XPO7: variants seen among roughly 807,000 people sequenced by gnomAD.
XPO7 encodes exportin-7.
In XPO7, 21 loss-of-function variants were observed where a neutral mutation model predicts 144.3. The ratio of observed to expected loss-of-function variants is 0.15; its 90% CI spans 0.10 to 0.21. XPO7 has a LOEUF of 0.21. Ranked by LOEUF, XPO7 falls within the 10% of genes least tolerant of loss-of-function variation. The pLI, the probability that XPO7 is intolerant of heterozygous loss-of-function variation, is 1.00. For synonymous variants in XPO7, 580 were observed against 499.6 expected, an observed-to-expected ratio of 1.16 and a Z score of -2.15; for missense variants, 808 against 1,325.8, an observed-to-expected ratio of 0.61 and a Z score of 6.06.
At position 21,984,730 on chromosome 8, in the gene XPO7, T is replaced by C. The variant is rs776546907; in HGVS notation, c.1362T>C (p.Tyr454=). 1 of 1,613,984 alleles carries C rather than the reference T, an allele frequency of 6.2e-7. No homozygotes were observed. Among genetic ancestry groups the C allele is most frequent in the South Asian group, 1.1e-5 (1 of 91,086 alleles). Residue 454 remains tyrosine (Y), a synonymous_variant, in exon 12 of 28, where the codon TAT becomes TAC. Transcript: ENST00000252512. ...TGTCCACCATTGGGCGTTGTGAATA[T>C]GAGAAGACGTGTGCACTCCTCGTGC... ...DQLSTIGRCE[Y]EKTCALLVQL...
intron 5 of XPO7, among the ~76,000 whole-genome samples, chr8:21,972,689 A>G (rs1261513871): frequency 1.3e-5 from 2 of 152,198 alleles, no homozygotes; most frequent in East Asian, 3.9e-4. Context: ...TCCAGCTAAA[A>G]ATTTGTGATT....
chr8:21,933,677 C>T (rs1232071460), intron 1 of XPO7, among the ~76,000 whole-genome samples: 1 of 152,124 alleles, frequency 6.6e-6, no homozygotes, highest in Non-Finnish European at 1.5e-5. Flanking sequence ...GTTAACATTT[C>T]TCTACCAGGT....
chr8:21,944,348 A>C (rs1811088967), intron 1 of XPO7, among the ~76,000 whole-genome samples: 1 of 152,164 alleles, frequency 6.6e-6, no homozygotes, highest in Non-Finnish European at 1.5e-5. Flanking sequence ...CGGGCAGATC[A>C]CCTGAGGTCA....
chr8:21,974,830 A>G lies in XPO7; in HGVS notation c.597+56A>G, dbSNP rs1033441260. On this transcript the variant is annotated intron_variant, in intron 6 of 27. Transcript: ENST00000252512. ...GTTTCTTTTGAAAGAATGAGAATGG[A>G]TGGGAACTTGTTAAATGTCAGCTTT... 10 of 1,368,482 alleles carry G rather than the reference A, an allele frequency of 7.3e-6. No individual in the cohort carries two copies. The African/African-American group carries it at 1.2e-4, about 16-fold the overall frequency. The allele number at this position is 1,368,482 out of a possible 1,614,324, so 84.8% of individuals were successfully genotyped here.
intron 19 of XPO7, among the ~76,000 whole-genome samples, chr8:21,993,997 G>A (rs2117388913): frequency 7.2e-6 from 1 of 138,874 alleles, no homozygotes; most frequent in Non-Finnish European, 1.5e-5. Context: ...TTCCTCCCTG[G>A]GTGGACTCAA....
At chr8:21,968,472 C>T (rs1009629156) in intron 2 of XPO7, among the ~76,000 whole-genome samples, 2 of 152,174 alleles carry the variant, frequency 1.3e-5, no homozygotes, top group African/African-American at 4.8e-5. Context: ...CTGTTTTACG[C>T]ACATAGTGTT....
Position 21,950,023 on chromosome 8 carries a change from C to T in XPO7, c.19-16834C>T, listed in dbSNP as rs566685397. 5.3e-5 allele frequency among the ~76,000 whole-genome samples: 8 copies of T among 152,340 alleles called. No homozygotes were observed. In the South Asian group the frequency reaches 1.7e-3, roughly 32 times the overall value. On this transcript the variant is annotated intron_variant, in intron 1 of 27. Coordinates refer to ENST00000252512, the MANE Select transcript of XPO7 (RefSeq NM_015024.5). Reference sequence around the variant, plus strand: ...TACAGGTGTGACACACCGTACTGGGCCCTAGGCTGTGTTTTTAAAAAGCAC... The same window carrying T: ...TACAGGTGTGACACACCGTACTGGGTCCTAGGCTGTGTTTTTAAAAAGCAC...
intron 1 of XPO7, among the ~76,000 whole-genome samples, chr8:21,930,517 C>A (rs142840163): frequency 2.6e-5 from 4 of 152,226 alleles, no homozygotes; most frequent in African/African-American, 4.8e-5. Context: ...TAAGCCAGAT[C>A]TGAAAAGGCC....
At chr8:21,924,665 T>G (rs868253884) in intron 1 of XPO7, among the ~76,000 whole-genome samples, 1 of 152,112 alleles carries the variant, frequency 6.6e-6, no homozygotes, top group South Asian at 2.1e-4. Context: ...ACACAAAATT[T>G]TACCCACAAT....
chr8:21,964,254 A>G (rs990256427), intron 1 of XPO7: 18 of 152,222 alleles, frequency 1.2e-4, no homozygotes, highest in African/African-American at 4.1e-4. Flanking sequence ...CAAAGAATAG[A>G]TATCCTTAAT....
At position 21,999,074 on chromosome 8, in the gene XPO7, A is replaced by G. The variant is rs765075093; in HGVS notation, c.2429-17A>G. ...TTCTAATGTGGTTGAATAAACATATATGACATGTCTACTCAGGCAATCGCA... is the reference window on the plus strand; with the variant it reads ...TTCTAATGTGGTTGAATAAACATATGTGACATGTCTACTCAGGCAATCGCA... On this transcript the variant is annotated splice_polypyrimidine_tract_variant and intron_variant, in intron 22 of 27. Coordinates refer to ENST00000252512, the MANE Select transcript of XPO7 (RefSeq NM_015024.5). 6.2e-7 allele frequency: 1 copy of G among 1,613,114 alleles called. No individual in the cohort carries two copies. The highest frequency in any genetic ancestry group is 2.2e-5 in the East Asian group (1 of 44,884).
chr8:21,993,082 C>G (rs1812822453), intron 19 of XPO7, among the ~76,000 whole-genome samples: 1 of 152,234 alleles, frequency 6.6e-6, no homozygotes, highest in Non-Finnish European at 1.5e-5. Context: ...CCTAATTATA[C>G]TTGTATTTTA....
chr8:21,952,733 G>T (rs1056300969), intron 1 of XPO7, among the ~76,000 whole-genome samples: 2 of 152,176 alleles, frequency 1.3e-5, no homozygotes, highest in African/African-American at 4.8e-5. Context: ...GTGTTATAAC[G>T]CCTGTGTTTT....
At chr8:21,983,097 TTTTC>T in intron 11 of XPO7, among the ~76,000 whole-genome samples, 2 of 152,352 alleles carry the variant, frequency 1.3e-5, no homozygotes, top group South Asian at 4.1e-4. Context: ...TTGCCGCTGT[TTTTC>T]TTTCAATGTG....
intron 17 of XPO7, 149 bp from the exon 18 acceptor site, chr8:21,990,662 T>C: frequency 1.2e-6 from 1 of 808,400 alleles, no homozygotes; most frequent in Non-Finnish European, 1.9e-6. Flanking sequence ...AACGGTAGCC[T>C]GCCTTCAAAA....
intron 1 of XPO7, 37 bp downstream of exon 1, chr8:21,919,825 A>C (rs1024193197): frequency 1.7e-5 from 7 of 400,038 alleles, no homozygotes; most frequent in Non-Finnish European, 2.1e-5. Flanking sequence ...GCGACCACGA[A>C]GAGCGGCGAG....
chr8:21,921,015 G>A (rs952594166), intron 1 of XPO7, among the ~76,000 whole-genome samples: 1 of 152,100 alleles, frequency 6.6e-6, no homozygotes, highest in Admixed American at 6.5e-5. Flanking sequence ...CGGAGTGTGC[G>A]GGACAAGTTG....
chr8:21,933,453 A>G (rs1222812226), intron 1 of XPO7, among the ~76,000 whole-genome samples: 1 of 152,156 alleles, frequency 6.6e-6, no homozygotes, highest in Non-Finnish European at 1.5e-5. Context: ...TTTAATAGAT[A>G]ATATAATACA....
intron 1 of XPO7, among the ~76,000 whole-genome samples, chr8:21,933,557 C>A (rs1207234206): frequency 6.6e-6 from 1 of 151,944 alleles, no homozygotes. Context: ...GAAATATTAC[C>A]CTGACTCTTG....
Sources: gnomAD v4.1 joint callset for allele counts (sites outside exome capture counted in the v4.1 genomes callset) on GRCh38, gnomAD v4.1.1 for gene constraint, MANE v1.5 for transcripts, NCBI Gene and HGNC (gene_info 2026-07-23, HGNC 2026-07-21) for gene names.